RASSF5: variants seen among roughly 807,000 people sequenced by gnomAD.
RASSF5 encodes ras association domain-containing protein 5.
RASSF5 carries 25 observed loss-of-function variants against 40.5 expected under a neutral mutation model. The observed-to-expected ratio is 0.62, with a 90% CI of 0.45 to 0.86. RASSF5 has a LOEUF of 0.86. Among genes scored for constraint, RASSF5 ranks in the 40% least tolerant of loss-of-function variants. The probability of loss-of-function intolerance (pLI) is 0.00; values close to 1 mark genes in which losing one functional copy is unlikely to be tolerated. For missense variants in RASSF5, 521 were observed against 572.8 expected, an observed-to-expected ratio of 0.91 and a Z score of 0.92; for synonymous variants, 246 against 252.4, an observed-to-expected ratio of 0.97 and a Z score of 0.24.
chr1:206,549,918 T>A (rs1048240278), intron 2 of RASSF5, among the ~76,000 whole-genome samples: 1 of 152,182 alleles, frequency 6.6e-6, no homozygotes. Flanking sequence ...TTTCTTCCCA[T>A]GCACACACCG....
intron 1 of RASSF5, among the ~76,000 whole-genome samples, chr1:206,524,885 A>G (rs1667058731): frequency 6.6e-6 from 1 of 151,330 alleles, no homozygotes; most frequent in African/African-American, 2.4e-5. Context: ...ACACACACAC[A>G]CATGCACAGG....
intron 1 of RASSF5, among the ~76,000 whole-genome samples, chr1:206,517,658 C>A (rs1666785449): frequency 6.6e-6 from 1 of 152,262 alleles, no homozygotes; most frequent in East Asian, 1.9e-4. Context: ...CAGGGCCTCC[C>A]AGAACTTTTC....
chr1:206,545,793 C>G (rs1667667448), intron 2 of RASSF5, among the ~76,000 whole-genome samples: 1 of 152,074 alleles, frequency 6.6e-6, no homozygotes, highest in African/African-American at 2.4e-5. Context: ...ATTCCCTAAT[C>G]TACCCTTTCA....
intron 1 of RASSF5, among the ~76,000 whole-genome samples, chr1:206,515,883 A>G (rs1553395338): frequency 1.3e-5 from 2 of 152,170 alleles, no homozygotes; most frequent in African/African-American, 2.4e-5. Flanking sequence ...AGAAAGTATT[A>G]ACCTCCCCCA....
intron 1 of RASSF5, among the ~76,000 whole-genome samples, chr1:206,516,261 G>A (rs1666741596): frequency 1.3e-5 from 2 of 152,156 alleles, no homozygotes; most frequent in Non-Finnish European, 2.9e-5. Context: ...AATCTATCTA[G>A]TTTTCCAAAG....
intron 2 of RASSF5, among the ~76,000 whole-genome samples, chr1:206,570,704 C>T (rs1668423166): frequency 6.6e-6 from 1 of 152,062 alleles, no homozygotes; most frequent in Admixed American, 6.6e-5. Context: ...TTTCAAGGTT[C>T]ATCCACGTGA....
chr1:206,526,668 C>G (rs1667104718), intron 1 of RASSF5, among the ~76,000 whole-genome samples: 1 of 152,142 alleles, frequency 6.6e-6, no homozygotes, highest in South Asian at 2.1e-4. Flanking sequence ...CTTCCAGCCC[C>G]CCTGCCTTAC....
At chr1:206,576,907 C>T (rs1668678495) in intron 2 of RASSF5, among the ~76,000 whole-genome samples, 1 of 152,068 alleles carries the variant, frequency 6.6e-6, no homozygotes, top group African/African-American at 2.4e-5. Flanking sequence ...GGGCTCAGGT[C>T]ATTCTCCCAC....
chr1:206,586,763 G>T (rs1423719417), intron 5 of RASSF5, 63 bp from the exon 6 acceptor site: 3 of 1,304,152 alleles, frequency 2.3e-6, no homozygotes, highest in African/African-American at 2.9e-5. Flanking sequence ...CTCTCAGGTC[G>T]TGTCAACTTC....
intron 1 of RASSF5, among the ~76,000 whole-genome samples, chr1:206,522,019 GTGTTTTAAATTAT>G (rs1553396188): frequency 6.6e-6 from 1 of 152,204 alleles, no homozygotes; most frequent in Non-Finnish European, 1.5e-5. Context: ...ACTGCCTACA[GTGTTTTAAATTAT>G]TTTTTTTTTC....
In RASSF5 at chr1:206,557,927, T is replaced by C. The variant is rs186212530; in HGVS notation, c.579+19634T>C. Reference sequence around the variant, plus strand: ...TCCACAGATCTCTTCAAAATGGCTCTCCAGAATGTGGGGGCTGCCCCTGGC... The same window carrying C: ...TCCACAGATCTCTTCAAAATGGCTCCCCAGAATGTGGGGGCTGCCCCTGGC... On this transcript the variant is annotated intron_variant, in intron 2 of 5. Transcript: ENST00000579436. Among the ~76,000 whole-genome samples, 512 of 152,320 alleles carry C rather than the reference T, an allele frequency of 3.4e-3. 2 individuals are homozygous for C. The highest frequency in any genetic ancestry group is 6.0e-3 in the Non-Finnish European group (406 of 68,038).
intron 5 of RASSF5, chr1:206,585,511 G>A: frequency 2.4e-6 from 1 of 418,186 alleles, no homozygotes; most frequent in Non-Finnish European, 4.3e-6. Flanking sequence ...GCCTGTGTGT[G>A]GCAAGGCCTG....
intron 1 of RASSF5, among the ~76,000 whole-genome samples, chr1:206,512,016 C>T (rs1278143118): frequency 6.6e-6 from 1 of 152,188 alleles, no homozygotes; most frequent in Non-Finnish European, 1.5e-5. Context: ...TATTTATTTA[C>T]CTTGGGCACT....
Position 206,535,720 on chromosome 1 carries a change from GTGTGT to G in RASSF5, c.458-2451_458-2447del, listed in dbSNP as rs1558503529. ...GTGTGTGTCTGTGTGTGTGTGGTGT[GTGTGT>G]GTGTGTGTGTGTGTGTGTGAGAGAG... is the stretch of plus-strand genomic sequence containing the variant. On this transcript the variant is annotated intron_variant, in intron 1 of 5. Transcript: ENST00000579436. This position sits in a 1 kb window ranked among gnomAD's most constrained non-coding sequence, Gnocchi z 5.0. Among the ~76,000 whole-genome samples, 5 of 66,522 alleles carry G rather than the reference GTGTGT, an allele frequency of 7.5e-5. No homozygotes were observed. Among genetic ancestry groups the G allele is most frequent in the South Asian group, 7.3e-4 (2 of 2,754 alleles). The allele number at this position is 66,522 out of a possible 152,430, so 43.6% of individuals were successfully genotyped here. A position where few individuals can be genotyped will look rare whatever the true frequency, so the allele number is the denominator to read the frequency against.
intron 2 of RASSF5, among the ~76,000 whole-genome samples, chr1:206,566,511 C>T (rs78297629): frequency 1.3e-5 from 2 of 152,202 alleles, no homozygotes; most frequent in African/African-American, 4.8e-5. Context: ...CTGTTCCCCC[C>T]ACTTTGCTGT....
At chr1:206,583,677 G>A (rs1668985124) in intron 3 of RASSF5, 1 of 359,352 alleles carries the variant, frequency 2.8e-6, no homozygotes, top group African/African-American at 2.1e-5. Context: ...ATGACCAAGG[G>A]CCCAGTATTG....
intron 1 of RASSF5, among the ~76,000 whole-genome samples, chr1:206,514,908 C>T (rs1666708398): frequency 6.6e-6 from 1 of 152,206 alleles, no homozygotes; most frequent in Non-Finnish European, 1.5e-5. Context: ...TTGGCTATCA[C>T]TAAGGCCGTT....
At chr1:206,523,140 C>A (rs958118118) in intron 1 of RASSF5, among the ~76,000 whole-genome samples, 35 of 151,150 alleles carry the variant, frequency 2.3e-4, no homozygotes, top group Non-Finnish European at 4.3e-4. Flanking sequence ...CCCTACCCTA[C>A]TAAAAATACA....
At chr1:206,572,771 T>G (rs782361142) in intron 2 of RASSF5, 3 of 152,248 alleles carry the variant, frequency 2.0e-5, no homozygotes, top group Non-Finnish European at 4.4e-5. Context: ...ATTGATGTAT[T>G]TGTCTTTATA....
Sources: gnomAD v4.1 joint callset for allele counts (sites outside exome capture counted in the v4.1 genomes callset) on GRCh38, gnomAD v4.1.1 for gene constraint, Gnocchi (gnomAD v3.1) non-coding constraint, MANE v1.5 for transcripts, NCBI Gene and HGNC (gene_info 2026-07-23, HGNC 2026-07-21) for gene names.